The following LCORL variants were observed in gnomAD, a reference collection of about 807,000 sequenced individuals.
LCORL encodes ligand dependent nuclear receptor corepressor like, also known as ligand-dependent nuclear receptor corepressor-like protein.
In LCORL, 41 loss-of-function variants were observed where a neutral mutation model predicts 141.8. The observed-to-expected ratio is 0.29, with a 90% confidence interval of 0.23 to 0.38. LCORL has a LOEUF of 0.38. Ranked by LOEUF, LCORL falls within the 10% of genes least tolerant of loss-of-function variation. LCORL has a pLI of 1.00. For synonymous variants in LCORL, 618 were observed against 694.1 expected, an observed-to-expected ratio of 0.89 and a Z score of 1.72; for missense variants, 1,759 against 2,035.0, an observed-to-expected ratio of 0.86 and a Z score of 2.61.
exon 7 of LCORL, chr4:17,876,547 G>T: frequency 1.6e-6 from 2 of 1,230,794 alleles, no homozygotes; most frequent in South Asian, 4.1e-5. Context: ...CTTTCAATGT[G>T]AATATTTTTC....
intron 7 of LCORL, among the ~76,000 whole-genome samples, chr4:17,854,404 C>T (rs1470641130): frequency 3.3e-5 from 5 of 152,136 alleles, no homozygotes; most frequent in Admixed American, 6.5e-5. Context: ...TCAAAGATAT[C>T]CGTGTTTTCA....
chr4:17,845,834 T>C (rs1289849984), exon 8 of LCORL: 8 of 1,613,602 alleles, frequency 5.0e-6, no homozygotes, highest in Non-Finnish European at 6.8e-6. Flanking sequence ...TTAATGGGGC[T>C]CAAAGGGCAA....
intron 7 of LCORL, among the ~76,000 whole-genome samples, chr4:17,861,456 G>A (rs1283675900): frequency 1.3e-5 from 2 of 152,156 alleles, no homozygotes; most frequent in Non-Finnish European, 2.9e-5. Flanking sequence ...ACACAGCACG[G>A]GGACCCTGGG....
chr4:17,917,421 G>T (rs1049416548), intron 4 of LCORL, among the ~76,000 whole-genome samples: 1 of 152,192 alleles, frequency 6.6e-6, no homozygotes, highest in Non-Finnish European at 1.5e-5. Flanking sequence ...TTGAACTCCC[G>T]ACCTCAGGTG....
At chr4:18,008,795 T>C (rs1723213131) in intron 1 of LCORL, among the ~76,000 whole-genome samples, 1 of 152,168 alleles carries the variant, frequency 6.6e-6, no homozygotes, top group Non-Finnish European at 1.5e-5. Context: ...TTACTAACTA[T>C]GGTAGTTAGG....
At chr4:17,998,866 G>A (rs1721335927) in intron 1 of LCORL, among the ~76,000 whole-genome samples, 1 of 148,082 alleles carries the variant, frequency 6.8e-6, no homozygotes, top group Admixed American at 6.8e-5. Flanking sequence ...TCAGGAGGCT[G>A]AAGTGGGAGA....
intron 6 of LCORL, chr4:17,880,892 A>G (rs1169814471): frequency 2.2e-6 from 2 of 907,322 alleles, no homozygotes; most frequent in Non-Finnish European, 2.6e-6. Flanking sequence ...CATAAATATA[A>G]CTAATTGCCT....
At chr4:17,902,763 T>G (rs991204194) in intron 5 of LCORL, among the ~76,000 whole-genome samples, 1 of 152,030 alleles carries the variant, frequency 6.6e-6, no homozygotes, top group African/African-American at 2.4e-5. Flanking sequence ...AAATAGTCAC[T>G]TGAAGCCTAC....
exon 7 of LCORL, chr4:17,874,218 A>G (rs1726678978): frequency 1.6e-6 from 2 of 1,233,902 alleles, no homozygotes; most frequent in Non-Finnish European, 2.0e-6. Flanking sequence ...TAATCTAGCT[A>G]TTGCTAAATT....
Position 18,021,660 on chromosome 4 carries a change from G to A in LCORL, c.92C>T (p.Ala31Val). 6.5e-7 allele frequency: 1 copy of A among 1,545,720 alleles called. No individual in the cohort carries two copies. The highest frequency in any genetic ancestry group is 8.7e-7 in the Non-Finnish European group (1 of 1,144,996). The change falls in exon 1 of 8, where the codon GCG (alanine) becomes GTG (valine). Residue 31 changes from alanine (A) to valine (V), a missense_variant. Ala to Val is a moderately conservative substitution (Grantham distance 64). Transcript: ENST00000635767. The surrounding 1 kb of genome is among the most constrained non-coding windows in gnomAD (Gnocchi z 5.5). The stretch of plus-strand genomic sequence containing the variant: ...TTCCCGCCGGAATCCTCTTCTCTCC[G>A]CCGCGCACCGAGGGCTCCGGCACTG...
chr4:17,914,106 T>TA (rs1339385248), intron 4 of LCORL, among the ~76,000 whole-genome samples: 1 of 152,234 alleles, frequency 6.6e-6, no homozygotes, highest in Non-Finnish European at 1.5e-5. Flanking sequence ...GTAACCTAAC[T>TA]AAAGTGCATT....
chr4:17,894,381 T>C (rs1233406508), intron 5 of LCORL, among the ~76,000 whole-genome samples: 1 of 152,220 alleles, frequency 6.6e-6, no homozygotes, highest in Non-Finnish European at 1.5e-5. Context: ...GATTTCACAA[T>C]TCCTTTTTAC....
chr4:17,972,912 A>G (rs999277905), intron 1 of LCORL, 27 bp from the exon 2 acceptor site: 2 of 1,091,380 alleles, frequency 1.8e-6, no homozygotes, highest in Non-Finnish European at 2.5e-6. Context: ...AGAAAAGTAT[A>G]TTAACTACTA....
intron 1 of LCORL, among the ~76,000 whole-genome samples, chr4:17,990,098 T>TA (rs1473546076): frequency 1.5e-5 from 2 of 135,788 alleles, no homozygotes; most frequent in African/African-American, 6.2e-5. Flanking sequence ...CTCTCTGCGT[T>TA]TTTTTTTTTT....
chr4:18,010,402 G>A (rs538157444), intron 1 of LCORL, among the ~76,000 whole-genome samples: 2 of 151,740 alleles, frequency 1.3e-5, no homozygotes, highest in African/African-American at 4.9e-5. Flanking sequence ...GTGTGTCTGT[G>A]TGTGTGTGTG....
chr4:17,849,047 C>T (rs1420758685), intron 7 of LCORL, among the ~76,000 whole-genome samples: 1 of 152,246 alleles, frequency 6.6e-6, no homozygotes, highest in Non-Finnish European at 1.5e-5. Flanking sequence ...CTGGGTGGAG[C>T]CCACCACAGC....
exon 8 of LCORL, chr4:17,845,884 G>T (rs753063053): frequency 6.2e-7 from 1 of 1,608,082 alleles, no homozygotes; most frequent in Non-Finnish European, 8.5e-7. Flanking sequence ...TTTCTCATCA[G>T]TTTTCACTTG....
chr4:17,862,098 T>C (rs988710056), intron 7 of LCORL, among the ~76,000 whole-genome samples: 3 of 152,218 alleles, frequency 2.0e-5, no homozygotes. Context: ...TTTTCAGGTA[T>C]CTTTTCAGCA....
chr4:17,959,086 C>T (rs148321916), intron 4 of LCORL, among the ~76,000 whole-genome samples: 22 of 152,126 alleles, frequency 1.4e-4, no homozygotes, highest in African/African-American at 3.1e-4. Context: ...TTAAGTAATA[C>T]GCTTCTTCCA....
Sources: allele counts gnomAD v4.1 joint callset (sites outside exome capture counted in the v4.1 genomes callset), GRCh38; gene constraint gnomAD v4.1.1; non-coding constraint Gnocchi (gnomAD v3.1); transcripts MANE v1.5; gene names NCBI Gene and HGNC (gene_info 2026-07-23, HGNC 2026-07-21).